Variants in CLSTN2 observed in about 807,000 individuals in gnomAD.
The protein encoded by CLSTN2 is calsyntenin-2.
In CLSTN2, 48 loss-of-function variants were observed where a neutral mutation model predicts 101.2. That is an observed-to-expected ratio of 0.47 (90% CI 0.38 to 0.60). The LOEUF is 0.60. Ranked by LOEUF, CLSTN2 falls within the 20% of genes least tolerant of loss-of-function variation. CLSTN2 has a pLI of 0.00. For synonymous variants in CLSTN2, 481 were observed against 463.6 expected, an observed-to-expected ratio of 1.04 and a Z score of -0.48; for missense variants, 1,160 against 1,238.2, an observed-to-expected ratio of 0.94 and a Z score of 0.95.
At chr3:140,159,080 G>A (rs925663659) in intron 1 of CLSTN2, among the ~76,000 whole-genome samples, 3 of 152,116 alleles carry the variant, frequency 2.0e-5, no homozygotes, top group African/African-American at 7.2e-5. Context: ...GAAAATCCTA[G>A]AAGAAAACCT....
chr3:139,980,412 A>C (rs552081396), intron 1 of CLSTN2, among the ~76,000 whole-genome samples: 1 of 152,194 alleles, frequency 6.6e-6, no homozygotes, highest in African/African-American at 2.4e-5. Context: ...CTCTGCTGAA[A>C]CACAGGCTCA....
chr3:139,969,082 G>A (rs771914369), intron 1 of CLSTN2, among the ~76,000 whole-genome samples: 1 of 152,084 alleles, frequency 6.6e-6, no homozygotes, highest in Non-Finnish European at 1.5e-5. Context: ...TTGTTCACAT[G>A]CATTATCTCA....
intron 6 of CLSTN2, among the ~76,000 whole-genome samples, chr3:140,456,568 C>T (rs987962184): frequency 2.0e-5 from 3 of 152,126 alleles, no homozygotes; most frequent in Non-Finnish European, 1.5e-5. Context: ...GGGCAGATCA[C>T]CTGAGGTCAG....
intron 8 of CLSTN2, among the ~76,000 whole-genome samples, chr3:140,480,819 G>T (rs936090801): frequency 2.6e-5 from 4 of 151,910 alleles, no homozygotes; most frequent in Non-Finnish European, 5.9e-5. Context: ...TAAATTTGTT[G>T]GAGTTCATTG....
rs995849533 is a variant in CLSTN2 at position 140,121,242 on chromosome 3, G to T, written c.110-54709G>T. Among the ~76,000 whole-genome samples, 6 of 152,276 alleles carry T rather than the reference G, an allele frequency of 3.9e-5. No individual in the cohort carries two copies. The Middle Eastern group carries it at 0.01, about 259-fold the overall frequency. On this transcript the variant is annotated intron_variant, in intron 1 of 16. Transcript: ENST00000458420. ...GGACTGTGGCCTTCAGTGGAGGGAT[G>T]CAGTCAGCCCAGAGTGTACCACGGG...
chr3:140,117,069 T>A (rs1026833784), intron 1 of CLSTN2, among the ~76,000 whole-genome samples: 15 of 152,156 alleles, frequency 9.9e-5, no homozygotes, highest in African/African-American at 3.6e-4. Context: ...TGGCCCTGAG[T>A]GCACTGTGGC....
At chr3:140,187,895 C>T (rs567539119) in intron 2 of CLSTN2, among the ~76,000 whole-genome samples, 33 of 152,154 alleles carry the variant, frequency 2.2e-4, no homozygotes, top group South Asian at 1.0e-3. Flanking sequence ...TATAATTCCA[C>T]CTGCTCCATA....
rs370318655 is a variant in CLSTN2 at position 140,550,839 on chromosome 3, AGCTTGGTTATAAAG to A, written c.1674+4171_1674+4184del. Among the ~76,000 whole-genome samples, 687 of 151,056 alleles carry A rather than the reference AGCTTGGTTATAAAG, an allele frequency of 4.5e-3. 33 individuals are homozygous for A. The highest frequency in any genetic ancestry group is 0.016 in the African/African-American group (651 of 40,462). On this transcript the variant is annotated intron_variant, in intron 10 of 16. Coordinates refer to ENST00000458420, the MANE Select transcript of CLSTN2 (RefSeq NM_022131.3). Reference sequence around the variant, plus strand: ...ACTTTTTATAACCTTTTTATAACCAAGCTTGGTTATAAAGGCTTGGTTATAAGCCTTTTTATAAC... The same window carrying A: ...ACTTTTTATAACCTTTTTATAACCAAGCTTGGTTATAAGCCTTTTTATAAC...
chr3:140,303,681 G>T (rs1394353973), intron 2 of CLSTN2, among the ~76,000 whole-genome samples: 1 of 152,048 alleles, frequency 6.6e-6, no homozygotes, highest in Non-Finnish European at 1.5e-5. Flanking sequence ...ACAAATCTGT[G>T]CCTGAAGGGA....
chr3:140,189,578 T>A (rs968984852), intron 2 of CLSTN2, among the ~76,000 whole-genome samples: 4 of 152,242 alleles, frequency 2.6e-5, no homozygotes, highest in African/African-American at 9.6e-5. Flanking sequence ...CATTTTATAA[T>A]TGCATTAGGA....
At chr3:140,395,020 A>C (rs919065268) in intron 2 of CLSTN2, among the ~76,000 whole-genome samples, 11 of 152,154 alleles carry the variant, frequency 7.2e-5, no homozygotes, top group African/African-American at 2.2e-4. Flanking sequence ...CAGCATATAA[A>C]TAAGTTTTTA....
chr3:140,398,335 A>G (rs551682007), intron 2 of CLSTN2, among the ~76,000 whole-genome samples: 16 of 152,334 alleles, frequency 1.1e-4, no homozygotes, highest in African/African-American at 3.8e-4. Flanking sequence ...CTGTATCATT[A>G]AAGTCATTCT....
intron 1 of CLSTN2, among the ~76,000 whole-genome samples, chr3:140,093,467 C>G (rs1047392603): frequency 2.6e-5 from 4 of 152,134 alleles, no homozygotes; most frequent in Admixed American, 2.6e-4. Flanking sequence ...CCTCCCCTTC[C>G]CACTTACCTT....
intron 1 of CLSTN2, among the ~76,000 whole-genome samples, chr3:140,137,594 G>A (rs1045681578): frequency 6.6e-6 from 1 of 152,104 alleles, no homozygotes; most frequent in South Asian, 2.1e-4. Flanking sequence ...ATGTGTTAGG[G>A]GTAGTAATGA....
chr3:140,045,823 C>T (rs540574442), intron 1 of CLSTN2, among the ~76,000 whole-genome samples: 17 of 152,146 alleles, frequency 1.1e-4, no homozygotes, highest in Non-Finnish European at 2.5e-4. Context: ...TGCAGTGGAG[C>T]GGTTTTGAGT....
chr3:140,115,616 C>A (rs942450761), intron 1 of CLSTN2, among the ~76,000 whole-genome samples: 2 of 152,200 alleles, frequency 1.3e-5, no homozygotes, highest in African/African-American at 4.8e-5. Context: ...CTGATCTCTG[C>A]CCCTCAGCAG....
At chr3:140,558,378 T>A (rs1325108702) in intron 11 of CLSTN2, among the ~76,000 whole-genome samples, 2 of 152,230 alleles carry the variant, frequency 1.3e-5, no homozygotes, top group Non-Finnish European at 2.9e-5. Context: ...TGTTAAAGGA[T>A]AATGAAAGGT....
chr3:140,468,617 C>T (rs1209857600), intron 8 of CLSTN2, among the ~76,000 whole-genome samples: 1 of 152,200 alleles, frequency 6.6e-6, no homozygotes, highest in East Asian at 1.9e-4. Flanking sequence ...CTGCTACAGC[C>T]CTTCCTGGTG....
intron 1 of CLSTN2, among the ~76,000 whole-genome samples, chr3:140,171,466 CT>C (rs2010211564): frequency 1.3e-5 from 2 of 151,364 alleles, no homozygotes; most frequent in South Asian, 4.2e-4. Flanking sequence ...CCTGGAACAG[CT>C]CTGAACTGAC....
Sources: gnomAD v4.1 joint callset for allele counts (sites outside exome capture counted in the v4.1 genomes callset) on GRCh38, gnomAD v4.1.1 for gene constraint, MANE v1.5 for transcripts, NCBI Gene and HGNC (gene_info 2026-07-23, HGNC 2026-07-21) for gene names.